Variants in MTA3 observed in about 807,000 individuals in gnomAD.
The protein encoded by MTA3 is metastasis-associated protein MTA3.
A neutral mutation model predicts 83.5 loss-of-function variants in MTA3; 34 were observed. The observed-to-expected ratio is 0.41, with a 90% CI of 0.31 to 0.54. The LOEUF (loss-of-function observed/expected upper bound fraction) is 0.54, where lower values mean the gene tolerates loss of function less well. Among genes scored for constraint, MTA3 ranks in the 20% least tolerant of loss-of-function variants. The pLI is 0.33. For synonymous variants in MTA3, 303 were observed against 252.7 expected (o/e 1.20, Z -1.89); for missense variants, 761 against 726.4 (o/e 1.05, Z -0.55).
intron 16 of MTA3, among the ~76,000 whole-genome samples, chr2:42,730,049 A>G (rs905991931): frequency 1.3e-5 from 2 of 152,170 alleles, no homozygotes; most frequent in African/African-American, 2.4e-5. Context: ...TAGAAATACT[A>G]CTGATTTTTG....
chr2:42,722,760 C>T (rs1421484216), intron 15 of MTA3, 129 bp from the exon 16 acceptor site: 2 of 1,105,302 alleles, frequency 1.8e-6, no homozygotes, highest in Non-Finnish European at 2.5e-6. Flanking sequence ...TATGCAAGTC[C>T]TTGGCTGGCT....
At chr2:42,746,097 C>T (rs1162691742) in intron 16 of MTA3, among the ~76,000 whole-genome samples, 1 of 152,138 alleles carries the variant, frequency 6.6e-6, no homozygotes. Flanking sequence ...CAGGCGTGAG[C>T]CACTGCGCCC....
intron 3 of MTA3, among the ~76,000 whole-genome samples, chr2:42,608,783 C>T (rs1451597100): frequency 1.3e-5 from 2 of 152,068 alleles, no homozygotes; most frequent in African/African-American, 2.4e-5. Flanking sequence ...ACTCTGGAGG[C>T]TAAGGCACAA....
chr2:42,646,451 C>T lies in MTA3; in HGVS notation c.499+2207C>T, dbSNP rs566755892. 5.1e-4 allele frequency among the ~76,000 whole-genome samples: 77 copies of T among 152,302 alleles called. 1 individual carries two copies. The South Asian group carries it at 0.01, about 20-fold the overall frequency. On this transcript the variant is annotated intron_variant, in intron 6 of 16. Coordinates refer to ENST00000405094, the MANE Select transcript of MTA3 (RefSeq NM_001330442.2). Reference sequence around the variant, plus strand: ...CGAAAACCTTCTGGAAAGAATTCTCCGTTCTAGATGCCAGTAACAACAACT... The same window carrying T: ...CGAAAACCTTCTGGAAAGAATTCTCTGTTCTAGATGCCAGTAACAACAACT...
chr2:42,536,861 A>AAAAC (rs1489127205), intron 2 of MTA3, among the ~76,000 whole-genome samples: 14 of 150,848 alleles, frequency 9.3e-5, no homozygotes, highest in Non-Finnish European at 2.1e-4. Context: ...CCCATCTCAA[A>AAAAC]AAAAAAAAAA....
chr2:42,555,040 C>G (rs534572100), intron 2 of MTA3, among the ~76,000 whole-genome samples: 1 of 152,128 alleles, frequency 6.6e-6, no homozygotes, highest in African/African-American at 2.4e-5. Context: ...GTAATCCTAG[C>G]TACTCGGTAG....
intron 2 of MTA3, among the ~76,000 whole-genome samples, chr2:42,496,274 C>A (rs908496789): frequency 6.6e-6 from 1 of 152,194 alleles, no homozygotes; most frequent in African/African-American, 2.4e-5. Context: ...TAAATCATTT[C>A]ATTTGTTTCA....
intron 16 of MTA3, among the ~76,000 whole-genome samples, chr2:42,729,113 T>TTTTTTTTA (rs1573784154): frequency 2.1e-5 from 3 of 142,472 alleles, no homozygotes; most frequent in Non-Finnish European, 3.0e-5. Flanking sequence ...TTTTTTTTTT[T>TTTTTTTTA]CACAGAGTCA....
chr2:42,520,923 A>G (rs189470466), intron 2 of MTA3, among the ~76,000 whole-genome samples: 31 of 152,144 alleles, frequency 2.0e-4, no homozygotes, highest in Admixed American at 2.0e-3. Flanking sequence ...GCTGACCTCA[A>G]GTTCTCGACT....
intron 9 of MTA3, among the ~76,000 whole-genome samples, chr2:42,685,440 G>T (rs573308315): frequency 6.6e-6 from 1 of 152,148 alleles, no homozygotes; most frequent in African/African-American, 2.4e-5. Flanking sequence ...GGATACTGCC[G>T]TCCCTGCTGT....
At chr2:42,551,934 G>A (rs574648733) in intron 2 of MTA3, among the ~76,000 whole-genome samples, 60 of 152,070 alleles carry the variant, frequency 3.9e-4, no homozygotes, top group Non-Finnish European at 6.9e-4. Context: ...CACCATGTTG[G>A]CCAAGATGGT....
chr2:42,687,704 G>C (rs924756050), intron 9 of MTA3, among the ~76,000 whole-genome samples: 2 of 152,278 alleles, frequency 1.3e-5, no homozygotes, highest in East Asian at 1.9e-4. Context: ...CCGGTATGTT[G>C]CCCTTTAGGG....
intron 7 of MTA3, 39 bp from the exon 8 acceptor site, chr2:42,659,724 A>G: frequency 1.4e-6 from 2 of 1,412,472 alleles, no homozygotes; most frequent in East Asian, 2.7e-5. Context: ...ACCAAAACAG[A>G]TACTTAATTC....
intron 2 of MTA3, among the ~76,000 whole-genome samples, chr2:42,537,874 A>T (rs1339207766): frequency 6.6e-6 from 1 of 152,072 alleles, no homozygotes; most frequent in East Asian, 1.9e-4. Context: ...TGTTGAGGTG[A>T]TAGGGGGTGG....
At chr2:42,651,386 T>C (rs1688702909) in intron 6 of MTA3, among the ~76,000 whole-genome samples, 1 of 152,204 alleles carries the variant, frequency 6.6e-6, no homozygotes, top group Non-Finnish European at 1.5e-5. Context: ...ATTTATTTTT[T>C]TAACTTTTTG....
chr2:42,706,736 A>G (rs1046120728), intron 12 of MTA3, among the ~76,000 whole-genome samples: 1 of 152,220 alleles, frequency 6.6e-6, no homozygotes, highest in Non-Finnish European at 1.5e-5. Context: ...CTACAAAACA[A>G]AAACTAACAC....
intron 2 of MTA3, among the ~76,000 whole-genome samples, chr2:42,509,539 G>A (rs556342068): frequency 6.6e-6 from 1 of 152,154 alleles, no homozygotes; most frequent in Admixed American, 6.6e-5. Flanking sequence ...GGAGACCAAG[G>A]TGGGTGGCTT....
chr2:42,692,849 G>A lies in MTA3; in HGVS notation c.892-2916G>A, dbSNP rs144698289. On this transcript the variant is annotated intron_variant, in intron 9 of 16. Coordinates refer to ENST00000405094, the MANE Select transcript of MTA3 (RefSeq NM_001330442.2). ...TCCTGGATGATGCTTGTAGATGTTC[G>A]TTAGTGTCTGAGCATTGAAGAGTTA... Among the ~76,000 whole-genome samples the A allele has an allele frequency of 3.7e-3, 561 of 152,306 alleles. 3 individuals carry two copies. Among genetic ancestry groups the A allele is most frequent in the African/African-American group, 0.012 (493 of 41,556 alleles).
intron 4 of MTA3, among the ~76,000 whole-genome samples, chr2:42,638,916 A>G (rs1186369702): frequency 1.3e-5 from 2 of 151,000 alleles, no homozygotes; most frequent in African/African-American, 2.4e-5. Flanking sequence ...TTTAAAGAGT[A>G]TATAGTTGCA....
Sources: allele counts gnomAD v4.1 joint callset (sites outside exome capture counted in the v4.1 genomes callset), GRCh38; gene constraint gnomAD v4.1.1; transcripts MANE v1.5; gene names NCBI Gene and HGNC (gene_info 2026-07-23, HGNC 2026-07-21).